Variants in ABRAXAS1 observed in about 807,000 individuals in gnomAD.
ABRAXAS1 encodes the protein BRCA1-A complex subunit Abraxas 1.
A neutral mutation model predicts 38.4 loss-of-function variants in ABRAXAS1; 26 were observed. That is an observed-to-expected ratio of 0.68 (90% CI 0.50 to 0.94). ABRAXAS1 has a LOEUF of 0.94. Ranked by LOEUF, ABRAXAS1 falls within the 40% of genes least tolerant of loss-of-function variation. ABRAXAS1 has a pLI of 0.00. For missense variants in ABRAXAS1, 438 were observed against 481.9 expected, an observed-to-expected ratio of 0.91 and a Z score of 0.85; for synonymous variants, 144 against 165.5, an observed-to-expected ratio of 0.87 and a Z score of 1.00.
rs1722144220 is a variant in ABRAXAS1, at chr4:83,462,209, A to G, written c.*260T>C. The G allele has an allele frequency of 2.6e-6, 1 of 380,680 alleles. No homozygotes were observed. The highest frequency in any genetic ancestry group is 4.7e-6 in the Non-Finnish European group (1 of 213,358). 23.6% of individuals were successfully genotyped at this position (380,680 alleles called of 1,614,324 possible). A position where few individuals can be genotyped will look rare whatever the true frequency, so the allele number is the denominator to read the frequency against. The stretch of plus-strand genomic sequence containing the variant: ...TGCCTGGTCTCACTTTTCCAATTCT[A>G]AAGAATGTGTCTGTGTAAGCCTTCC... On this transcript the variant is annotated 3_prime_UTR_variant, in exon 9 of 9. Transcript: ENST00000321945.
intron 1 of ABRAXAS1, among the ~76,000 whole-genome samples, chr4:83,483,278 T>C (rs758414554): frequency 1.8e-4 from 21 of 113,938 alleles, no homozygotes; most frequent in Non-Finnish European, 3.4e-4. Flanking sequence ...ATTTTATATC[T>C]TTTTTTTTTT....
At chr4:83,484,158 G>A (rs1326440985) in intron 1 of ABRAXAS1, 1 of 981,364 alleles carries the variant, frequency 1.0e-6, no homozygotes. Context: ...GTGAGCCACC[G>A]CGCCCGACCT....
chr4:83,476,507 A>T (rs1267519717), intron 3 of ABRAXAS1, 136 bp downstream of exon 3: 2 of 515,134 alleles, frequency 3.9e-6, no homozygotes, highest in Admixed American at 3.4e-5. Flanking sequence ...TCAGCTATTT[A>T]AAAAAAACTT....
At chr4:83,467,642 G>A in intron 6 of ABRAXAS1, 104 bp from the exon 7 acceptor site, 1 of 649,824 alleles carries the variant, frequency 1.5e-6, no homozygotes, top group Non-Finnish European at 2.7e-6. Flanking sequence ...TCTTTTTACT[G>A]GTTTTGTAGG....
intron 7 of ABRAXAS1, among the ~76,000 whole-genome samples, chr4:83,466,168 A>G (rs1356491317): frequency 6.6e-6 from 1 of 151,598 alleles, no homozygotes; most frequent in African/African-American, 2.4e-5. Flanking sequence ...GCAGTCTGAG[A>G]CTCTTCCTAA....
intron 3 of ABRAXAS1, among the ~76,000 whole-genome samples, chr4:83,475,678 C>G (rs528457643): frequency 7.4e-4 from 112 of 152,150 alleles, no homozygotes; most frequent in African/African-American, 2.6e-3. Flanking sequence ...ATTTTTCTTG[C>G]GTGGTTTATA....
chr4:83,462,190 G>C lies in ABRAXAS1; in HGVS notation c.*279C>G, dbSNP rs1722143525. On this transcript the variant is annotated 3_prime_UTR_variant, in exon 9 of 9. Transcript: ENST00000321945. ...TTACAGGTGTGAGCCACTGTGCCTGGTCTCACTTTTCCAATTCTAAAGAAT... is the reference window on the plus strand; with the variant it reads ...TTACAGGTGTGAGCCACTGTGCCTGCTCTCACTTTTCCAATTCTAAAGAAT... 2.7e-6 allele frequency: 1 copy of C among 376,682 alleles called. No individual in the cohort carries two copies. 23.3% of individuals were successfully genotyped at this position (376,682 alleles called of 1,614,324 possible).
Position 83,485,040 on chromosome 4 carries a change from C to T in ABRAXAS1, c.33G>A (p.Ser11=). 1 of 1,595,506 alleles carries T rather than the reference C, an allele frequency of 6.3e-7. No individual in the cohort carries two copies. Among genetic ancestry groups the T allele is most frequent in the Non-Finnish European group, 8.5e-7 (1 of 1,171,690 alleles). The part of the protein sequence containing the change: MEGESTSAVL[S]GFVLGALAFQ... ...AAGCGAGTGCGCCGAGCACAAAGCC[C>T]GAGAGCACCGCCGACGTACTCTCCC... The change falls in exon 1 of 9, where the codon TCG becomes TCA. Residue 11 remains serine, a synonymous_variant. Transcript: ENST00000321945.
rs1722063211 is a variant in ABRAXAS1 at position 83,460,736 on chromosome 4, T to C, written c.*1733A>G. The C allele has an allele frequency of 9.2e-6, 4 of 433,042 alleles. No individual in the cohort carries two copies. The highest frequency in any genetic ancestry group is 1.7e-5 in the Non-Finnish European group (4 of 237,958). 26.8% of individuals were successfully genotyped at this position (433,042 alleles called of 1,614,324 possible). A position where few individuals can be genotyped will look rare whatever the true frequency, so the allele number is the denominator to read the frequency against. Reference sequence around the variant, plus strand: ...CTGGCCAATATGGTGAAACCCCGTTTCTACTACAAATACAAAAAAATTATC... The same window carrying C: ...CTGGCCAATATGGTGAAACCCCGTTCCTACTACAAATACAAAAAAATTATC... On this transcript the variant is annotated 3_prime_UTR_variant, in exon 9 of 9. Coordinates refer to ENST00000321945, the MANE Select transcript of ABRAXAS1 (RefSeq NM_139076.3).
rs376811916 is a variant in ABRAXAS1, at chr4:83,463,516, T to C, written c.774A>G (p.Arg258=). Residue 258 remains arginine (R), a synonymous_variant, in exon 8 of 9, where the codon AGA becomes AGG. Coordinates refer to ENST00000321945, the MANE Select transcript of ABRAXAS1 (RefSeq NM_139076.3). The part of the protein sequence containing the change: ...NRLKREIEKR[R]GAQIQAAREK... ...TACTTGCTGCCTGAATCTGTGCTCC[T>C]CTCCTTTTCTCAATTTCTCGTTTTA... 6.2e-7 allele frequency: 1 copy of C among 1,609,456 alleles called. No homozygotes were observed. The highest frequency in any genetic ancestry group is 8.5e-7 in the Non-Finnish European group (1 of 1,178,426).
At chr4:83,484,893 G>GA (rs1723126708) in intron 1 of ABRAXAS1, 93 bp downstream of exon 1, 1 of 1,072,338 alleles carries the variant, frequency 9.3e-7, no homozygotes, top group African/African-American at 1.6e-5. Context: ...GGCGTCGGGG[G>GA]AGCGGGCGGG....
rs981590513 is a variant in ABRAXAS1, at chr4:83,467,258, G to C, written c.681+196C>G. ...AAACTAAAAAGTAAAAATACATATA[G>C]GTTTGTGTAAGTATATGTTTGCACA... is the stretch of plus-strand genomic sequence containing the variant. On this transcript the variant is annotated intron_variant, in intron 7 of 8. Transcript: ENST00000321945. 1.1e-5 allele frequency: 5 copies of C among 452,260 alleles called. No homozygotes were observed. In the South Asian group the frequency reaches 1.2e-4, roughly 11 times the overall value. The allele number at this position is 452,260 out of a possible 1,614,324, so 28.0% of individuals were successfully genotyped here.
At chr4:83,473,062 C>T (rs1018417075) in intron 3 of ABRAXAS1, among the ~76,000 whole-genome samples, 2 of 152,028 alleles carry the variant, frequency 1.3e-5, no homozygotes, top group Non-Finnish European at 2.9e-5. Flanking sequence ...GTGGATGGCT[C>T]GAGCCCAGAA....
intron 7 of ABRAXAS1, 70 bp from the exon 8 acceptor site, chr4:83,463,678 A>T (rs1722236706): frequency 2.6e-6 from 2 of 755,678 alleles, no homozygotes; most frequent in East Asian, 5.6e-5. Context: ...CTAGATTCAC[A>T]AATAATATAA....
chr4:83,471,714 G>T lies in ABRAXAS1; in HGVS notation c.282+508C>A, dbSNP rs1051838125. Among the ~76,000 whole-genome samples the T allele has an allele frequency of 2.0e-5, 3 of 151,842 alleles. No homozygotes were observed. The East Asian group carries it at 5.8e-4, about 29-fold the overall frequency. ...GCAGTATCTATCAAAAATAATAACT[G>T]AGGCCAGGCATGGTGTGTGGTGGCG... On this transcript the variant is annotated intron_variant, in intron 4 of 8. Transcript: ENST00000321945.
chr4:83,472,967 G>A (rs1274193372), intron 3 of ABRAXAS1, among the ~76,000 whole-genome samples: 1 of 152,052 alleles, frequency 6.6e-6, no homozygotes, highest in Non-Finnish European at 1.5e-5. Flanking sequence ...GGTTAAATAT[G>A]TTATACAAAA....
intron 2 of ABRAXAS1, among the ~76,000 whole-genome samples, chr4:83,477,296 A>G (rs1434254089): frequency 6.6e-6 from 1 of 152,072 alleles, no homozygotes; most frequent in Non-Finnish European, 1.5e-5. Context: ...GCTAATTTCA[A>G]TTAGGGAAAA....
In ABRAXAS1 at chr4:83,462,168, C is replaced by G; in HGVS notation, c.*301G>C. On this transcript the variant is annotated 3_prime_UTR_variant, in exon 9 of 9. Coordinates refer to ENST00000321945, the MANE Select transcript of ABRAXAS1 (RefSeq NM_139076.3). ...TTGTCTTCCCTAAGTGCTGGGATTA[C>G]AGGTGTGAGCCACTGTGCCTGGTCT... The G allele has an allele frequency of 3.1e-6, 1 of 321,270 alleles. No homozygotes were observed. The highest frequency in any genetic ancestry group is 5.7e-6 in the Non-Finnish European group (1 of 175,308). 19.9% of individuals were successfully genotyped at this position (321,270 alleles called of 1,614,324 possible). A position where few individuals can be genotyped will look rare whatever the true frequency, so the allele number is the denominator to read the frequency against.
chr4:83,479,792 T>A (rs1389306550), intron 2 of ABRAXAS1: 1 of 154,098 alleles, frequency 6.5e-6, no homozygotes, highest in Non-Finnish European at 1.4e-5. Flanking sequence ...TGAGAACCTG[T>A]CTCTACAAAC....
Sources: allele counts gnomAD v4.1 joint callset (sites outside exome capture counted in the v4.1 genomes callset), GRCh38; gene constraint gnomAD v4.1.1; transcripts MANE v1.5; gene names NCBI Gene and HGNC (gene_info 2026-07-23, HGNC 2026-07-21).